Variants in AKR1D1 observed in about 807,000 individuals in gnomAD.
AKR1D1 encodes aldo-keto reductase family 1 member D1, also known as delta(4)-3-ketosteroid 5-beta-reductase.
AKR1D1 carries 32 observed loss-of-function variants against 42.6 expected under a neutral mutation model. That is an observed-to-expected ratio of 0.75 (90% CI 0.57 to 1.01). The LOEUF (loss-of-function observed/expected upper bound fraction) is 1.01, where lower values mean the gene tolerates loss of function less well. Ranked by LOEUF, AKR1D1 falls within the 50% of genes least tolerant of loss-of-function variation. The pLI, the probability that AKR1D1 is intolerant of heterozygous loss-of-function variation, is 0.00. For missense variants in AKR1D1, 364 were observed against 402.2 expected (o/e 0.91, Z 0.81); for synonymous variants, 123 against 135.5 (o/e 0.91, Z 0.64).
intron 1 of AKR1D1, among the ~76,000 whole-genome samples, chr7:138,088,175 G>A (rs1189985418): frequency 6.6e-6 from 1 of 152,166 alleles, no homozygotes; most frequent in Non-Finnish European, 1.5e-5. Context: ...ACAGGTGTGA[G>A]CCACCACACC....
chr7:138,090,857 T>C (rs1317015436), intron 2 of AKR1D1, among the ~76,000 whole-genome samples: 1 of 152,112 alleles, frequency 6.6e-6, no homozygotes. Flanking sequence ...GAAAGAGTAA[T>C]TTAATTGCTC....
Position 138,088,682 on chromosome 7 carries a change from CA to C in AKR1D1, c.179del (p.Asn60MetfsTer13). ...ACATATTGATGGGGCCTACATCTACCAAAATGAACACGAAGTTGGGGAGGCC... is the reference window on the plus strand; with the variant it reads ...ACATATTGATGGGGCCTACATCTACCAAATGAACACGAAGTTGGGGAGGCC... ...YRHIDGAYIY[Q>X]NEHEVGEAIR... is the part of the protein sequence containing the mutation. On this transcript the variant is annotated frameshift_variant, in exon 2 of 9. Coordinates refer to ENST00000242375, the MANE Select transcript of AKR1D1 (RefSeq NM_005989.4). LOFTEE classifies it high-confidence loss of function. The C allele has an allele frequency of 6.2e-7, 1 of 1,613,958 alleles. No homozygotes were observed. The highest frequency in any genetic ancestry group is 8.5e-7 in the Non-Finnish European group (1 of 1,179,976).
chr7:138,108,072 A>G (rs1794469061), intron 7 of AKR1D1, among the ~76,000 whole-genome samples: 1 of 152,222 alleles, frequency 6.6e-6, no homozygotes, highest in Non-Finnish European at 1.5e-5. Flanking sequence ...GGAATTCATA[A>G]TAGTCAACTT....
chr7:138,078,759 G>T (rs953795554), intron 1 of AKR1D1, among the ~76,000 whole-genome samples: 1 of 152,178 alleles, frequency 6.6e-6, no homozygotes, highest in African/African-American at 2.4e-5. Context: ...TAGAAAGTTA[G>T]GTGGGGGAAT....
At chr7:138,096,700 T>C (rs1448131311) in intron 3 of AKR1D1, among the ~76,000 whole-genome samples, 1 of 152,204 alleles carries the variant, frequency 6.6e-6, no homozygotes, top group Non-Finnish European at 1.5e-5. Flanking sequence ...ACCACCTTCT[T>C]CTGTAAACAT....
intron 8 of AKR1D1, among the ~76,000 whole-genome samples, chr7:138,114,053 A>G (rs546487085): frequency 2.0e-4 from 30 of 152,348 alleles, no homozygotes; most frequent in African/African-American, 7.2e-4. Flanking sequence ...TTAATTCATC[A>G]TGTACATATG....
At chr7:138,102,580 A>C (rs1170985093) in intron 4 of AKR1D1, among the ~76,000 whole-genome samples, 9 of 152,182 alleles carry the variant, frequency 5.9e-5, no homozygotes, top group Non-Finnish European at 1.2e-4. Flanking sequence ...AAAAGCAATA[A>C]GTTTGGAGGG....
At position 138,080,576 on chromosome 7, in the gene AKR1D1, C is replaced by A. The variant is rs549445653; in HGVS notation, c.93+3965C>A. Among the ~76,000 whole-genome samples, 43 of 152,172 alleles carry A rather than the reference C, an allele frequency of 2.8e-4. No homozygotes were observed. The South Asian group carries it at 8.5e-3, about 30-fold the overall frequency. On this transcript the variant is annotated intron_variant, in intron 1 of 8. Transcript: ENST00000242375. ...ATTTAATATTTGGAATATGCATATA[C>A]AAAAAAGTCTTGCCCATTTGAATTT...
intron 1 of AKR1D1, among the ~76,000 whole-genome samples, chr7:138,079,294 T>C (rs557644029): frequency 6.6e-6 from 1 of 152,320 alleles, no homozygotes; most frequent in South Asian, 2.1e-4. Flanking sequence ...TCATAAGCTC[T>C]ACCTAAGGGG....
At chr7:138,086,556 A>C (rs2117423208) in intron 1 of AKR1D1, among the ~76,000 whole-genome samples, 1 of 152,262 alleles carries the variant, frequency 6.6e-6, no homozygotes, top group South Asian at 2.1e-4. Flanking sequence ...TATAGTGATG[A>C]CTTCCAACTG....
intron 7 of AKR1D1, among the ~76,000 whole-genome samples, chr7:138,108,103 G>A (rs1159907550): frequency 6.6e-6 from 1 of 152,134 alleles, no homozygotes; most frequent in Non-Finnish European, 1.5e-5. Flanking sequence ...TAATGGCTCT[G>A]GTAAAAGTTG....
At chr7:138,100,070 T>C (rs1400271747) in intron 4 of AKR1D1, among the ~76,000 whole-genome samples, 1 of 84,888 alleles carries the variant, frequency 1.2e-5, no homozygotes, top group Non-Finnish European at 2.1e-5. Context: ...ACCTGGGCAA[T>C]ATAGCGAGAT....
intron 1 of AKR1D1, among the ~76,000 whole-genome samples, chr7:138,083,731 A>T (rs1180306430): frequency 6.6e-6 from 1 of 152,162 alleles, no homozygotes; most frequent in Non-Finnish European, 1.5e-5. Flanking sequence ...GGTCTTAAAA[A>T]TCTTTAATCC....
chr7:138,092,422 G>A (rs1283892918), intron 3 of AKR1D1, among the ~76,000 whole-genome samples: 1 of 152,186 alleles, frequency 6.6e-6, no homozygotes, highest in Non-Finnish European at 1.5e-5. Flanking sequence ...AAGACCCAGT[G>A]TACAATTATG....
At chr7:138,099,276 T>C (rs983277481) in intron 4 of AKR1D1, among the ~76,000 whole-genome samples, 9 of 152,206 alleles carry the variant, frequency 5.9e-5, no homozygotes, top group Non-Finnish European at 1.0e-4. Flanking sequence ...CCTAACAGGA[T>C]AGCCAGTATC....
intron 4 of AKR1D1, among the ~76,000 whole-genome samples, chr7:138,100,579 T>C (rs922100852): frequency 1.3e-5 from 2 of 151,670 alleles, no homozygotes; most frequent in Non-Finnish European, 2.9e-5. Context: ...TATTATATAA[T>C]GATAAAGGAG....
At chr7:138,078,809 G>T (rs566459227) in intron 1 of AKR1D1, among the ~76,000 whole-genome samples, 9 of 152,270 alleles carry the variant, frequency 5.9e-5, no homozygotes. Context: ...TGCTGTAGTT[G>T]CAGCAAGTTT....
At chr7:138,115,805 GTTAT>G (rs1292140254) in intron 8 of AKR1D1, among the ~76,000 whole-genome samples, 1 of 152,116 alleles carries the variant, frequency 6.6e-6, no homozygotes, top group East Asian at 1.9e-4. Context: ...TTTCATCATT[GTTAT>G]TTAAGAGCTA....
intron 7 of AKR1D1, among the ~76,000 whole-genome samples, chr7:138,107,982 C>A (rs1415108965): frequency 1.3e-5 from 2 of 152,136 alleles, no homozygotes; most frequent in African/African-American, 2.4e-5. Context: ...CTGTACCCAG[C>A]CTCTTCCCTT....
Sources: allele counts gnomAD v4.1 joint callset (sites outside exome capture counted in the v4.1 genomes callset), GRCh38; gene constraint gnomAD v4.1.1; transcripts MANE v1.5; gene names NCBI Gene and HGNC (gene_info 2026-07-23, HGNC 2026-07-21).